DLGAP2: variants seen among roughly 807,000 people sequenced by gnomAD.
DLGAP2 encodes disks large-associated protein 2.
Under a neutral mutation model 100.3 loss-of-function variants are expected in DLGAP2, and 26 were observed. The ratio of observed to expected loss-of-function variants is 0.26; its 90% CI spans 0.19 to 0.36. The LOEUF (loss-of-function observed/expected upper bound fraction) is 0.36, where lower values mean the gene tolerates loss of function less well. Ranked by LOEUF, DLGAP2 falls within the 10% of genes least tolerant of loss-of-function variation. The pLI is 1.00. For synonymous variants in DLGAP2, 886 were observed against 630.1 expected (o/e 1.41, Z -6.08); for missense variants, 1,858 against 1,453.2 (o/e 1.28, Z -4.53).
intron 6 of DLGAP2, among the ~76,000 whole-genome samples, chr8:1,575,589 G>C (rs1051839354): frequency 1.3e-5 from 2 of 148,848 alleles, no homozygotes; most frequent in African/African-American, 4.9e-5. Context: ...ATTTACATTA[G>C]ATATATCTCC....
At chr8:1,256,845 C>T (rs1363404308) in intron 2 of DLGAP2, among the ~76,000 whole-genome samples, 2 of 152,142 alleles carry the variant, frequency 1.3e-5, no homozygotes, top group African/African-American at 4.8e-5. Flanking sequence ...GAGCTGGCTG[C>T]CCCGTGTCCC....
At chr8:1,062,653 T>G (rs1803121393) in intron 2 of DLGAP2, among the ~76,000 whole-genome samples, 1 of 152,062 alleles carries the variant, frequency 6.6e-6, no homozygotes, top group African/African-American at 2.4e-5. Flanking sequence ...TTGCCCTCCC[T>G]CCCTCCTGGC....
chr8:1,028,914 G>T (rs1801895063), intron 2 of DLGAP2, among the ~76,000 whole-genome samples: 1 of 152,180 alleles, frequency 6.6e-6, no homozygotes, highest in Non-Finnish European at 1.5e-5. Context: ...GCCTGTGAAG[G>T]ACGGCCTGAC....
chr8:1,017,764 G>T (rs543843498), intron 2 of DLGAP2, among the ~76,000 whole-genome samples: 2 of 152,182 alleles, frequency 1.3e-5, no homozygotes, highest in African/African-American at 4.8e-5. Context: ...TGCCGTGGGC[G>T]GGTAGACTCG....
intron 2 of DLGAP2, among the ~76,000 whole-genome samples, chr8:1,115,949 A>G (rs1027463375): frequency 6.6e-6 from 1 of 152,196 alleles, no homozygotes; most frequent in Non-Finnish European, 1.5e-5. Flanking sequence ...TCTAGAAGGC[A>G]TGAGAGCATC....
At chr8:1,572,915 C>G (rs1802793957) in intron 6 of DLGAP2, among the ~76,000 whole-genome samples, 2 of 126,284 alleles carry the variant, frequency 1.6e-5, no homozygotes, top group Admixed American at 1.8e-4. Context: ...GGAGGGGTGT[C>G]TGATGAGATG....
chr8:1,576,848 G>C (rs913089250), intron 6 of DLGAP2, among the ~76,000 whole-genome samples: 2 of 152,064 alleles, frequency 1.3e-5, no homozygotes, highest in African/African-American at 4.8e-5. Context: ...ACCAGTACAA[G>C]GTAATTTATA....
chr8:1,337,966 C>G (rs1303073641), intron 3 of DLGAP2, among the ~76,000 whole-genome samples: 1 of 152,172 alleles, frequency 6.6e-6, no homozygotes, highest in African/African-American at 2.4e-5. Flanking sequence ...TACAAAAATT[C>G]AAATCAAAAC....
intron 2 of DLGAP2, among the ~76,000 whole-genome samples, chr8:1,160,849 G>A (rs995093180): frequency 2.0e-5 from 3 of 152,180 alleles, no homozygotes; most frequent in Admixed American, 1.3e-4. Context: ...CCTCTAGTTT[G>A]ACTGTTTTTG....
At chr8:1,135,311 C>G (rs1221590871) in intron 2 of DLGAP2, among the ~76,000 whole-genome samples, 1 of 152,072 alleles carries the variant, frequency 6.6e-6, no homozygotes, top group Non-Finnish European at 1.5e-5. Context: ...AATTAAAAAG[C>G]AGCTTCAGGA....
chr8:1,330,339 C>T (rs558854518), intron 3 of DLGAP2, among the ~76,000 whole-genome samples: 1 of 140,608 alleles, frequency 7.1e-6, no homozygotes, highest in East Asian at 2.3e-4. Flanking sequence ...AGCACCGCTT[C>T]GCGGGGACTG....
At chr8:814,850 CAAAAAAAAAAA>C (rs34412684) in intron 1 of DLGAP2, among the ~76,000 whole-genome samples, 1 of 61,868 alleles carries the variant, frequency 1.6e-5, no homozygotes, top group Non-Finnish European at 2.9e-5. Context: ...GACTCCGTCT[CAAAAAAAAAAA>C]AAAAAAAAAA....
intron 3 of DLGAP2, among the ~76,000 whole-genome samples, chr8:1,382,494 G>A (rs1294503626): frequency 6.6e-6 from 1 of 152,200 alleles, no homozygotes; most frequent in Admixed American, 6.5e-5. Context: ...GCAGCGCTTT[G>A]GGAGGCAGGG....
In DLGAP2 at chr8:1,423,739, C is replaced by T. The variant is rs554003357; in HGVS notation, c.107-77627C>T. The stretch of plus-strand genomic sequence containing the variant: ...GCAAGAGCACTCCAAGGGAGAGAGG[C>T]GGGTGGGGAAGACAGCCAGGGCTAG... On this transcript the variant is annotated intron_variant, in intron 3 of 14. Coordinates refer to ENST00000637795, the MANE Select transcript of DLGAP2 (RefSeq NM_001346810.2). 3.2e-4 allele frequency among the ~76,000 whole-genome samples: 49 copies of T among 152,292 alleles called. 1 individual carries two copies. In the South Asian group the frequency reaches 3.7e-3, roughly 12 times the overall value.
At chr8:1,251,855 CA>C (rs1799047979) in intron 2 of DLGAP2, among the ~76,000 whole-genome samples, 1 of 152,242 alleles carries the variant, frequency 6.6e-6, no homozygotes, top group African/African-American at 2.4e-5. Context: ...CATATTCTCG[CA>C]TCATGTTGTC....
intron 2 of DLGAP2, among the ~76,000 whole-genome samples, chr8:1,200,448 C>T (rs1797846168): frequency 6.6e-6 from 1 of 152,332 alleles, no homozygotes; most frequent in East Asian, 1.9e-4. Context: ...TTTCCGTTCA[C>T]ACTGCGATGC....
At chr8:1,416,475 C>T (rs951601801) in intron 3 of DLGAP2, among the ~76,000 whole-genome samples, 5 of 152,292 alleles carry the variant, frequency 3.3e-5, no homozygotes, top group African/African-American at 9.6e-5. Context: ...GCGGAGAATC[C>T]GATTTTGCTG....
At chr8:1,390,148 A>G (rs1384006803) in intron 3 of DLGAP2, among the ~76,000 whole-genome samples, 1 of 152,096 alleles carries the variant, frequency 6.6e-6, no homozygotes, top group South Asian at 2.1e-4. Context: ...ATCAGTAACT[A>G]AATCGAGGCA....
chr8:1,256,872 C>G (rs1407277428), intron 2 of DLGAP2, among the ~76,000 whole-genome samples: 2 of 152,142 alleles, frequency 1.3e-5, no homozygotes, highest in African/African-American at 4.8e-5. Context: ...AACAGGAGCC[C>G]CGCCTCCCTC....
Sources: gnomAD v4.1 joint callset for allele counts (sites outside exome capture counted in the v4.1 genomes callset) on GRCh38, gnomAD v4.1.1 for gene constraint, MANE v1.5 for transcripts, NCBI Gene and HGNC (gene_info 2026-07-23, HGNC 2026-07-21) for gene names.